Variants in POLR3A observed in about 807,000 individuals in gnomAD.
POLR3A encodes the protein RNA polymerase III subunit A, also known as DNA-directed RNA polymerase III subunit RPC1.
A neutral mutation model predicts 152.8 loss-of-function variants in POLR3A; 112 were observed. That is an observed-to-expected ratio of 0.73 (90% CI 0.63 to 0.86). The LOEUF (loss-of-function observed/expected upper bound fraction) is 0.86, where lower values mean the gene tolerates loss of function less well. Among genes scored for constraint, POLR3A ranks in the 40% least tolerant of loss-of-function variants. POLR3A has a pLI of 0.00. For missense variants in POLR3A, 1,385 were observed against 1,743.1 expected, an observed-to-expected ratio of 0.79 and a Z score of 3.66; for synonymous variants, 615 against 652.1, an observed-to-expected ratio of 0.94 and a Z score of 0.87.
chr10:77,993,168 C>G (rs1340328381), intron 20 of POLR3A, 29 bp downstream of exon 20: 2 of 1,579,734 alleles, frequency 1.3e-6, no homozygotes, highest in East Asian at 4.5e-5. Flanking sequence ...TAAAAACACT[C>G]TAACCCCAGA....
chr10:78,019,323 A>T, intron 8 of POLR3A, 58 bp from the exon 9 acceptor site: 1 of 1,107,004 alleles, frequency 9.0e-7, no homozygotes, highest in East Asian at 2.3e-5. Context: ...CTAACAAATG[A>T]TACTGAAATG....
intron 8 of POLR3A, 32 bp from the exon 9 acceptor site, chr10:78,019,297 C>T: frequency 7.6e-7 from 1 of 1,321,534 alleles, no homozygotes; most frequent in Admixed American, 1.7e-5. Context: ...ATAAGTTACT[C>T]CCAGGTAACT....
Position 78,017,648 on chromosome 10 carries a change from T to C in POLR3A, c.1358A>G (p.His453Arg). Residue 453 changes from histidine to arginine, a missense_variant, in exon 10 of 31, where the codon CAC (histidine) becomes CGC (arginine). This residue lies in a region of POLR3A where 493 missense variants were observed against 647.5 expected (regional missense o/e 0.76). Transcript: ENST00000372371. ...ELKYGDIVER[H>R]LIDGDVVLFN... Reference sequence around the variant, plus strand: ...CAGCACCACATCTCCATCGATGAGGTGTCTCTCTACGATGTCACCATACTT... The same window carrying C: ...CAGCACCACATCTCCATCGATGAGGCGTCTCTCTACGATGTCACCATACTT... The C allele has an allele frequency of 6.2e-7, 1 of 1,613,964 alleles. No homozygotes were observed. The highest frequency in any genetic ancestry group is 2.2e-5 in the East Asian group (1 of 44,886).
chr10:78,004,272 A>C (rs1275670969), intron 16 of POLR3A, among the ~76,000 whole-genome samples: 1 of 152,056 alleles, frequency 6.6e-6, no homozygotes, highest in Non-Finnish European at 1.5e-5. Context: ...CAAAAACAAA[A>C]AAAACCAAAC....
intron 19 of POLR3A, among the ~76,000 whole-genome samples, chr10:77,999,510 C>T (rs567734505): frequency 6.6e-6 from 1 of 152,254 alleles, no homozygotes; most frequent in African/African-American, 2.4e-5. Context: ...TATCTCAGAG[C>T]TATACACTCT....
Position 77,999,891 on chromosome 10 carries a change from CAGCTCATGTG to C in POLR3A, c.2616+80_2616+89del, listed in dbSNP as rs1847339556. 3.1e-6 allele frequency: 4 copies of C among 1,270,798 alleles called. No individual in the cohort carries two copies. The East Asian group carries it at 9.3e-5, about 30-fold the overall frequency. 78.7% of individuals were successfully genotyped at this position (1,270,798 alleles called of 1,614,324 possible). A position where few individuals can be genotyped will look rare whatever the true frequency, so the allele number is the denominator to read the frequency against. ...ATTTAACCCAAGACTAGATAAATTA[CAGCTCATGTG>C]CAAAACGTGTACTCAATAGTCAAAA... On this transcript the variant is annotated intron_variant, in intron 19 of 30. Transcript: ENST00000372371.
chr10:78,006,772 G>A (rs997900894), intron 15 of POLR3A, among the ~76,000 whole-genome samples: 1 of 152,198 alleles, frequency 6.6e-6, no homozygotes, highest in South Asian at 2.1e-4. Flanking sequence ...GTATATTGTT[G>A]TGAACTTTCA....
chr10:78,021,546 C>T lies in POLR3A; in HGVS notation c.1185G>A (p.Lys395=), dbSNP rs775653615. 1 of 1,613,986 alleles carries T rather than the reference C, an allele frequency of 6.2e-7. No individual in the cohort carries two copies. The highest frequency in any genetic ancestry group is 8.5e-7 in the Non-Finnish European group (1 of 1,179,908). The part of the protein sequence containing the change: ...HVAKILTFPE[K]VNKANINFLR... ...ATTGAGCAGCTGAGTGGTCACTTAC[C>T]TTCTCAGGAAAAGTTAGAATTTTGG... Residue 395 remains lysine (K), a splice_region_variant and synonymous_variant, in exon 8 of 31, where the codon AAG becomes AAA. Coordinates refer to ENST00000372371, the MANE Select transcript of POLR3A (RefSeq NM_007055.4).
rs1201923360 is a variant in POLR3A, at chr10:77,993,198, T to C, written c.2786A>G (p.Lys929Arg). 6.2e-6 allele frequency: 10 copies of C among 1,612,268 alleles called. No individual in the cohort carries two copies. The highest frequency in any genetic ancestry group is 8.5e-6 in the Non-Finnish European group (10 of 1,178,294). ...LEFKRVLDNI[K>R]AVFPCPSEPA... Reference sequence around the variant, plus strand: ...CCCAGATATAATGCTAAATCTTACTTTGATGTTGTCCAGAACCCTTTTAAA... The same window carrying C: ...CCCAGATATAATGCTAAATCTTACTCTGATGTTGTCCAGAACCCTTTTAAA... The change falls in exon 20 of 31, where the codon AAA becomes AGA. Residue 929 changes from lysine (K) to arginine (R), a missense_variant and splice_region_variant. Transcript: ENST00000372371.
chr10:78,004,157 C>A (rs1183294574), intron 16 of POLR3A, among the ~76,000 whole-genome samples: 1 of 152,102 alleles, frequency 6.6e-6, no homozygotes, highest in Admixed American at 6.5e-5. Flanking sequence ...TTGCTTGAAC[C>A]AGGGAGTCAG....
intron 20 of POLR3A, among the ~76,000 whole-genome samples, chr10:77,991,648 G>A (rs1042492518): frequency 3.9e-5 from 6 of 151,916 alleles, no homozygotes; most frequent in South Asian, 2.1e-4. Flanking sequence ...TCAGCCTCCC[G>A]AGTAGCTGGG....
chr10:78,009,652 C>A lies in POLR3A; in HGVS notation c.1794G>T (p.Lys598Asn). ...GCCTGAGGATGACACTGAAGATCTG[C>A]TTTCCCGTCCACAGGGTGACAGGCT... is the stretch of plus-strand genomic sequence containing the variant. ...ILKPVTLWTG[K>N]QIFSVILRPS... Residue 598 changes from lysine to asparagine, a missense_variant, in exon 14 of 31, where the codon AAG becomes AAT. This residue lies in a region of POLR3A where 188 missense variants were observed against 179.9 expected (regional missense o/e 1.04). Transcript: ENST00000372371. 1 of 1,614,166 alleles carries A rather than the reference C, an allele frequency of 6.2e-7. No homozygotes were observed. The highest frequency in any genetic ancestry group is 8.5e-7 in the Non-Finnish European group (1 of 1,180,038).
At chr10:77,982,603 C>A in intron 27 of POLR3A, 50 bp downstream of exon 27, 1 of 1,548,672 alleles carries the variant, frequency 6.5e-7, no homozygotes, top group South Asian at 1.1e-5. Flanking sequence ...CCCTGGGTGT[C>A]ACACCACAGG....
chr10:77,982,343 G>GT, intron 27 of POLR3A, 25 bp from the exon 28 acceptor site: 2 of 1,613,070 alleles, frequency 1.2e-6, no homozygotes, highest in Non-Finnish European at 8.5e-7. Context: ...AGAGAAAGCT[G>GT]TGAGGACGGG....
chr10:77,982,119 C>G, intron 28 of POLR3A, 35 bp downstream of exon 28: 1 of 1,591,750 alleles, frequency 6.3e-7, no homozygotes, highest in Non-Finnish European at 8.6e-7. Flanking sequence ...GGAAGACAGC[C>G]TAACCCTAAG....
At chr10:77,999,128 A>T (rs992068541) in intron 19 of POLR3A, among the ~76,000 whole-genome samples, 2 of 152,158 alleles carry the variant, frequency 1.3e-5, no homozygotes, top group Non-Finnish European at 2.9e-5. Context: ...AGGAAGGGGA[A>T]CATCACACAC....
intron 9 of POLR3A, among the ~76,000 whole-genome samples, chr10:78,018,108 G>A (rs1001734039): frequency 6.6e-6 from 1 of 151,288 alleles, no homozygotes; most frequent in African/African-American, 2.4e-5. Flanking sequence ...CAGAGGAGGT[G>A]GAGACTGCAG....
intron 8 of POLR3A, chr10:78,019,534 G>A (rs1200497498): frequency 1.4e-5 from 7 of 512,242 alleles, no homozygotes; most frequent in African/African-American, 7.7e-5. Flanking sequence ...CTGGTAAAAC[G>A]GGTAGGCTAG....
chr10:78,009,820 C>T (rs1847448206), intron 13 of POLR3A, 44 bp downstream of exon 13: 1 of 1,611,044 alleles, frequency 6.2e-7, no homozygotes, highest in Non-Finnish European at 8.5e-7. Context: ...CCCCCACAGA[C>T]ACATACACAC....
Sources: allele counts gnomAD v4.1 joint callset (sites outside exome capture counted in the v4.1 genomes callset), GRCh38; gene constraint gnomAD v4.1.1; regional missense constraint gnomAD v4.1.1; transcripts MANE v1.5; gene names NCBI Gene and HGNC (gene_info 2026-07-23, HGNC 2026-07-21).